The following ERAP2 variants were observed in gnomAD, a reference collection of about 807,000 sequenced individuals.
ERAP2 encodes leukocyte-derived arginine aminopeptidase.
A neutral mutation model predicts 111.1 loss-of-function variants in ERAP2; 118 were observed. The ratio of observed to expected loss-of-function variants is 1.06; its 90% CI spans 0.92 to 1.24. The LOEUF is 1.24. Among genes scored for constraint, ERAP2 ranks in the 50% most tolerant of loss-of-function variants. The pLI, the probability that ERAP2 is intolerant of heterozygous loss-of-function variation, is 0.00. For missense variants in ERAP2, 1,131 were observed against 1,125.8 expected, an observed-to-expected ratio of 1.00 and a Z score of -0.07; for synonymous variants, 410 against 401.2, an observed-to-expected ratio of 1.02 and a Z score of -0.26.
rs141606464 is a variant in ERAP2, at chr5:96,890,152, C to A, written c.970+847C>A. ...ATTTTCTATCTTAAAAAATAAAAAA[C>A]GTTATTTTTAGAAGGTTGTAGAGAA... On this transcript the variant is annotated intron_variant, in intron 5 of 18. Transcript: ENST00000437043. 2.1e-4 allele frequency among the ~76,000 whole-genome samples: 32 copies of A among 152,176 alleles called. No individual in the cohort carries two copies. In the East Asian group the frequency reaches 2.9e-3, roughly 14 times the overall value.
At chr5:96,881,803 T>C (rs1384627570) in intron 2 of ERAP2, among the ~76,000 whole-genome samples, 1 of 152,070 alleles carries the variant, frequency 6.6e-6, no homozygotes, top group African/African-American at 2.4e-5. Context: ...AAAAGAAACA[T>C]TCCACTTGAA....
At chr5:96,879,476 A>T in intron 1 of ERAP2, 88 bp from the exon 2 acceptor site, 1 of 495,830 alleles carries the variant, frequency 2.0e-6, no homozygotes, top group Non-Finnish European at 3.6e-6. Flanking sequence ...ATTTTCCCTT[A>T]CTCACACATA....
At position 96,879,697 on chromosome 5, in the gene ERAP2, T is replaced by A. The variant is rs200992189; in HGVS notation, c.12T>A (p.Ser4=). The change falls in exon 2 of 19, where the codon TCT becomes TCA. Residue 4 remains serine (S), a synonymous_variant. Coordinates refer to ENST00000437043, the MANE Select transcript of ERAP2 (RefSeq NM_022350.5). ...AGAGAATAGATTTCATGTTCCATTCTTCTGCAATGGTTAATTCACACAGAA... is the reference window on the plus strand; with the variant it reads ...AGAGAATAGATTTCATGTTCCATTCATCTGCAATGGTTAATTCACACAGAA... MFH[S]SAMVNSHRKP... is the part of the protein sequence containing the mutation. 33 of 1,613,626 alleles carry A rather than the reference T, an allele frequency of 2.0e-5. No individual in the cohort carries two copies. The East Asian group carries it at 7.4e-4, about 36-fold the overall frequency.
At chr5:96,911,692 T>C (rs1298614126) in intron 15 of ERAP2, among the ~76,000 whole-genome samples, 7 of 151,438 alleles carry the variant, frequency 4.6e-5, no homozygotes, top group Non-Finnish European at 8.8e-5. Context: ...GTCAACATAG[T>C]GAGAGCCCAT....
At chr5:96,912,188 C>CAAAAAA (rs1266993157) in intron 15 of ERAP2, among the ~76,000 whole-genome samples, 9 of 84,030 alleles carry the variant, frequency 1.1e-4, no homozygotes, top group South Asian at 3.6e-4. Context: ...GACTCCACCT[C>CAAAAAA]AAAAAAAAAA....
chr5:96,889,160 A>T, intron 4 of ERAP2, 25 bp from the exon 5 acceptor site: 1 of 1,611,646 alleles, frequency 6.2e-7, no homozygotes, highest in Non-Finnish European at 8.5e-7. Flanking sequence ...TCATTCAAAA[A>T]CCTCTTCTGA....
At chr5:96,895,479 G>A (rs1334399593) in intron 7 of ERAP2, 120 bp downstream of exon 7, 2 of 736,300 alleles carry the variant, frequency 2.7e-6, no homozygotes. Context: ...TGAACATATG[G>A]CATTTTGTTT....
intron 5 of ERAP2, among the ~76,000 whole-genome samples, chr5:96,891,414 T>C (rs1784346515): frequency 6.6e-6 from 1 of 150,398 alleles, no homozygotes; most frequent in African/African-American, 2.4e-5. Flanking sequence ...CACATATACA[T>C]ATACACACAC....
chr5:96,891,535 T>TACAC (rs140359623), intron 5 of ERAP2, among the ~76,000 whole-genome samples: 18 of 138,932 alleles, frequency 1.3e-4, no homozygotes, highest in South Asian at 2.3e-4. Flanking sequence ...ACGGTATATA[T>TACAC]ACACACACAC....
rs773034911 is a variant in ERAP2 at position 96,903,367 on chromosome 5, A to C, written c.1829-10A>C. 5 of 1,598,322 alleles carry C rather than the reference A, an allele frequency of 3.1e-6. 1 individual carries two copies. In the South Asian group the frequency reaches 5.7e-5, roughly 18 times the overall value. On this transcript the variant is annotated splice_polypyrimidine_tract_variant and intron_variant, in intron 12 of 18. Coordinates refer to ENST00000437043, the MANE Select transcript of ERAP2 (RefSeq NM_022350.5). ...ATAATAAAATGCCTATGCCAATCTT[A>C]TCCTCTTAGATACTCTGGATCTACC...
intron 6 of ERAP2, 121 bp downstream of exon 6, chr5:96,892,574 T>G: frequency 8.8e-7 from 1 of 1,142,184 alleles, no homozygotes; most frequent in Non-Finnish European, 1.2e-6. Context: ...ACTTAGAGAC[T>G]ACTAAACCTA....
At chr5:96,889,961 T>C (rs1196968559) in intron 5 of ERAP2, among the ~76,000 whole-genome samples, 1 of 152,118 alleles carries the variant, frequency 6.6e-6, no homozygotes, top group African/African-American at 2.4e-5. Context: ...AAAGTTTATG[T>C]AGAGAGAGAA....
At chr5:96,891,811 CT>C (rs1784422905) in intron 5 of ERAP2, among the ~76,000 whole-genome samples, 1 of 152,006 alleles carries the variant, frequency 6.6e-6, no homozygotes. Flanking sequence ...GAAATATTGA[CT>C]ATAGAGATGG....
chr5:96,913,317 G>T lies in ERAP2; in HGVS notation c.2517G>T (p.Lys839Asn). Residue 839 changes from lysine (K) to asparagine (N), a missense_variant and splice_region_variant, in exon 17 of 19, where the codon AAG becomes AAT. Coordinates refer to ENST00000437043, the MANE Select transcript of ERAP2 (RefSeq NM_022350.5). Reference protein sequence around the residue: ...STSKHQEKLLKLIELGMEGKV... With the variant: ...STSKHQEKLLNLIELGMEGKV... Reference sequence around the variant, plus strand: ...AAACAAATTATTTTTCTTTCTTCAGGTTAATTGAACTAGGAATGGAAGGAA... The same window carrying T: ...AAACAAATTATTTTTCTTTCTTCAGTTTAATTGAACTAGGAATGGAAGGAA... The T allele has an allele frequency of 1.2e-6, 2 of 1,613,228 alleles. No individual in the cohort carries two copies. The highest frequency in any genetic ancestry group is 1.1e-5 in the South Asian group (1 of 90,970).
Position 96,892,305 on chromosome 5 carries a change from T to C in ERAP2, c.977T>C (p.Ile326Thr), listed in dbSNP as rs1336156502. Residue 326 changes from isoleucine (I) to threonine (T), a missense_variant, in exon 6 of 19, where the codon ATT (isoleucine) becomes ACT (threonine). Ile to Thr is a moderately conservative substitution (Grantham distance 89). This residue lies in a region of ERAP2 where 847 missense variants were observed against 856.5 expected (regional missense o/e 0.99). Coordinates refer to ENST00000437043, the MANE Select transcript of ERAP2 (RefSeq NM_022350.5). ...GGTTGTTCTTATTTCTTAGATTTAA[T>C]TGCTATTCCTGACTTTGCACCTGGA... ...IYYPLSKLDL[I>T]AIPDFAPGAM... The C allele has an allele frequency of 1.2e-6, 2 of 1,613,828 alleles. No individual in the cohort carries two copies. The highest frequency in any genetic ancestry group is 1.7e-5 in the Admixed American group (1 of 59,994).
In ERAP2 at chr5:96,909,203, T is replaced by C. The variant is rs1440485834; in HGVS notation, c.2169+86T>C. ...GCTCAGTTTGTTTTGTGTGAAGTCCTTGAGGTTAAATCTGGAGCAGCTCGG... is the reference window on the plus strand; with the variant it reads ...GCTCAGTTTGTTTTGTGTGAAGTCCCTGAGGTTAAATCTGGAGCAGCTCGG... On this transcript the variant is annotated intron_variant, in intron 14 of 18. Coordinates refer to ENST00000437043, the MANE Select transcript of ERAP2 (RefSeq NM_022350.5). 1.1e-5 allele frequency: 15 copies of C among 1,359,404 alleles called. No homozygotes were observed. The South Asian group carries it at 1.2e-4, about 10-fold the overall frequency. 84.2% of individuals were successfully genotyped at this position (1,359,404 alleles called of 1,614,324 possible). A position where few individuals can be genotyped will look rare whatever the true frequency, so the allele number is the denominator to read the frequency against.
chr5:96,890,272 C>T (rs1280075227), intron 5 of ERAP2, among the ~76,000 whole-genome samples: 1 of 152,210 alleles, frequency 6.6e-6, no homozygotes, highest in Non-Finnish European at 1.5e-5. Context: ...AACTGTTCCA[C>T]CTCAGAGCAT....
At chr5:96,885,044 A>G (rs1783587400) in intron 3 of ERAP2, among the ~76,000 whole-genome samples, 1 of 152,106 alleles carries the variant, frequency 6.6e-6, no homozygotes, top group African/African-American at 2.4e-5. Flanking sequence ...TACATGGGTC[A>G]CTCCAGGTTT....
chr5:96,884,046 CTATCTATCTA>C (rs1783457338), intron 3 of ERAP2, 116 bp downstream of exon 3: 1 of 355,808 alleles, frequency 2.8e-6, no homozygotes, highest in Non-Finnish European at 5.1e-6. Context: ...ATCTATCTAT[CTATCTATCTA>C]TCTATCTATC....
Sources: allele counts gnomAD v4.1 joint callset (sites outside exome capture counted in the v4.1 genomes callset), GRCh38; gene constraint gnomAD v4.1.1; regional missense constraint gnomAD v4.1.1; transcripts MANE v1.5; gene names NCBI Gene and HGNC (gene_info 2026-07-23, HGNC 2026-07-21).